POLR3E: variants seen among roughly 807,000 people sequenced by gnomAD.
POLR3E encodes the protein DNA-directed RNA polymerase III subunit RPC5.
Under a neutral mutation model 96.6 loss-of-function variants are expected in POLR3E, and 41 were observed. That is an observed-to-expected ratio of 0.42 (90% CI 0.33 to 0.55). The LOEUF (loss-of-function observed/expected upper bound fraction) is 0.55, where lower values mean the gene tolerates loss of function less well. Ranked by LOEUF, POLR3E falls within the 20% of genes least tolerant of loss-of-function variation. The probability of loss-of-function intolerance (pLI) is 0.06; values close to 1 mark genes in which losing one functional copy is unlikely to be tolerated. For synonymous variants in POLR3E, 396 were observed against 383.6 expected, an observed-to-expected ratio of 1.03 and a Z score of -0.38; for missense variants, 849 against 952.1, an observed-to-expected ratio of 0.89 and a Z score of 1.43.
intron 6 of POLR3E, among the ~76,000 whole-genome samples, chr16:22,311,654 G>A (rs764535709): frequency 6.6e-6 from 1 of 151,542 alleles, no homozygotes; most frequent in South Asian, 2.1e-4. Flanking sequence ...ACCACATCTG[G>A]CTAATTTTTT....
At chr16:22,323,805 G>C (rs1475186617) in intron 14 of POLR3E, among the ~76,000 whole-genome samples, 2 of 152,126 alleles carry the variant, frequency 1.3e-5, no homozygotes, top group Non-Finnish European at 2.9e-5. Flanking sequence ...GTGGGGGTGT[G>C]GTCCAGTCTA....
At chr16:22,316,762 A>G (rs1303848933) in intron 10 of POLR3E, 76 bp downstream of exon 10, 1 of 1,244,714 alleles carries the variant, frequency 8.0e-7, no homozygotes, top group Non-Finnish European at 1.2e-6. Flanking sequence ...GGATCCTCCC[A>G]GAGGACTGTG....
intron 4 of POLR3E, 139 bp downstream of exon 4, chr16:22,308,364 A>G: frequency 1.4e-6 from 1 of 702,394 alleles, no homozygotes; most frequent in South Asian, 1.6e-5. Flanking sequence ...AAAGCTGAAG[A>G]AGGAAAGTGT....
chr16:22,325,140 T>C, intron 16 of POLR3E, 65 bp from the exon 17 acceptor site: 1 of 1,292,838 alleles, frequency 7.7e-7, no homozygotes, highest in South Asian at 1.2e-5. Flanking sequence ...GGGGTGGTTG[T>C]TTCTCTTGTG....
intron 9 of POLR3E, among the ~76,000 whole-genome samples, chr16:22,316,368 G>A (rs1299152297): frequency 6.6e-6 from 1 of 152,198 alleles, no homozygotes; most frequent in Non-Finnish European, 1.5e-5. Context: ...ATTGCTGGTG[G>A]TGTACCTGTG....
chr16:22,322,857 C>G lies in POLR3E; in HGVS notation c.994C>G (p.Leu332Val). 1 of 1,612,474 alleles carries G rather than the reference C, an allele frequency of 6.2e-7. No individual in the cohort carries two copies. The highest frequency in any genetic ancestry group is 8.5e-7 in the Non-Finnish European group (1 of 1,178,906). Residue 332 changes from leucine (L) to valine (V), a missense_variant, in exon 14 of 21, where the codon CTA (leucine) becomes GTA (valine). Transcript: ENST00000299853. This position sits in a 1 kb window ranked among gnomAD's most constrained non-coding sequence, Gnocchi z 5.2. ...QGNWVVKSDI[L>V]YPKDSSSPHS... ...CCTCACCTGCATTGGCAGTGACATC[C>G]TATACCCCAAGGACTCGTCCAGCCC...
intron 1 of POLR3E, among the ~76,000 whole-genome samples, chr16:22,301,714 T>G (rs1222511663): frequency 2.0e-5 from 3 of 152,140 alleles, no homozygotes; most frequent in Admixed American, 6.5e-5. Flanking sequence ...TCACCTGAGG[T>G]CAGGAATTCA....
intron 17 of POLR3E, 56 bp downstream of exon 17, chr16:22,325,322 G>T: frequency 7.2e-7 from 1 of 1,390,558 alleles, no homozygotes; most frequent in Non-Finnish European, 1.0e-6. Flanking sequence ...GGCTCCGGAA[G>T]GGCTGCTGTG....
chr16:22,317,939 G>T (rs1258299183), intron 12 of POLR3E, among the ~76,000 whole-genome samples: 2 of 152,002 alleles, frequency 1.3e-5, no homozygotes, highest in Admixed American at 1.3e-4. Context: ...GGGTACCCGT[G>T]GCTGGTGAAC....
Position 22,318,979 on chromosome 16 carries a change from T to A in POLR3E, c.986+33T>A. ...GCTTTTTTTATTTTTTATTTTTATT[T>A]ATTTTTTTCCTTGAGGCAGAGCTTC... On this transcript the variant is annotated intron_variant, in intron 13 of 20. Coordinates refer to ENST00000299853, the MANE Select transcript of POLR3E (RefSeq NM_018119.4). This position sits in a 1 kb window ranked among gnomAD's most constrained non-coding sequence, Gnocchi z 5.0. 1 of 1,515,122 alleles carries A rather than the reference T, an allele frequency of 6.6e-7. No homozygotes were observed. Among genetic ancestry groups the A allele is most frequent in the Non-Finnish European group, 9.0e-7 (1 of 1,116,630 alleles). 93.9% of individuals were successfully genotyped at this position (1,515,122 alleles called of 1,614,324 possible). A position where few individuals can be genotyped will look rare whatever the true frequency, so the allele number is the denominator to read the frequency against.
At chr16:22,315,412 A>G (rs1383613871) in intron 9 of POLR3E, among the ~76,000 whole-genome samples, 1 of 152,186 alleles carries the variant, frequency 6.6e-6, no homozygotes, top group East Asian at 1.9e-4. Flanking sequence ...AAAAGATGCG[A>G]GTCCTTGGTT....
At chr16:22,311,128 C>T (rs909287260) in intron 6 of POLR3E, among the ~76,000 whole-genome samples, 13 of 152,020 alleles carry the variant, frequency 8.6e-5, no homozygotes, top group African/African-American at 3.1e-4. Flanking sequence ...CCACCATGCC[C>T]AGCTAATTTT....
chr16:22,319,589 TG>T (rs2048429664), intron 13 of POLR3E, among the ~76,000 whole-genome samples: 1 of 152,026 alleles, frequency 6.6e-6, no homozygotes, highest in Non-Finnish European at 1.5e-5. Flanking sequence ...TTAGTAGAGA[TG>T]GGGTTTCACT....
chr16:22,331,953 TCAGAGACTGCAACA>T, intron 19 of POLR3E, 93 bp from the exon 20 acceptor site: 1 of 1,144,736 alleles, frequency 8.7e-7, no homozygotes, highest in Non-Finnish European at 1.3e-6. Context: ...AGGGTTTTTA[TCAGAGACTGCAACA>T]CAAAGTCAGG....
chr16:22,298,232 C>T (rs1480922759), intron 1 of POLR3E, among the ~76,000 whole-genome samples: 1 of 152,182 alleles, frequency 6.6e-6, no homozygotes, highest in Non-Finnish European at 1.5e-5. Context: ...TAGCGATCTC[C>T]ACAGTTTCCT....
At chr16:22,316,555 G>C in intron 9 of POLR3E, 46 bp from the exon 10 acceptor site, 1 of 1,493,394 alleles carries the variant, frequency 6.7e-7, no homozygotes, top group African/African-American at 1.4e-5. Context: ...GCCCAGGCCA[G>C]GGCCATCAGC....
At chr16:22,321,368 T>C (rs1007720984) in intron 13 of POLR3E, among the ~76,000 whole-genome samples, 3 of 152,260 alleles carry the variant, frequency 2.0e-5, no homozygotes, top group Non-Finnish European at 4.4e-5. Context: ...CCTTGAAAGC[T>C]CCTCATAGTT....
chr16:22,325,171 G>A, intron 16 of POLR3E, 34 bp from the exon 17 acceptor site: 1 of 1,523,472 alleles, frequency 6.6e-7, no homozygotes, highest in Non-Finnish European at 9.1e-7. Context: ...TAGGGGACGT[G>A]GTTTAAAGTT....
chr16:22,309,929 T>C (rs1238496076), intron 6 of POLR3E: 3 of 171,600 alleles, frequency 1.7e-5, no homozygotes, highest in Non-Finnish European at 3.8e-5. Flanking sequence ...ATCTTCATGA[T>C]AGCCAAAAAG....
Sources: gnomAD v4.1 joint callset for allele counts (sites outside exome capture counted in the v4.1 genomes callset) on GRCh38, gnomAD v4.1.1 for gene constraint, Gnocchi (gnomAD v3.1) non-coding constraint, MANE v1.5 for transcripts, NCBI Gene and HGNC (gene_info 2026-07-23, HGNC 2026-07-21) for gene names.